RORB: variants seen among roughly 807,000 people sequenced by gnomAD.
RORB encodes nuclear receptor ROR-beta.
Under a neutral mutation model 59.1 loss-of-function variants are expected in RORB, and 6 were observed. The ratio of observed to expected loss-of-function variants is 0.10; its 90% confidence interval spans 0.06 to 0.20. The LOEUF is 0.20. Among genes scored for constraint, RORB ranks in the 10% least tolerant of loss-of-function variants. RORB has a pLI of 1.00. For missense variants in RORB, 320 were observed against 560.5 expected, an observed-to-expected ratio of 0.57 and a Z score of 4.33; for synonymous variants, 215 against 204.5, an observed-to-expected ratio of 1.05 and a Z score of -0.44.
At chr9:74,660,348 TA>T in intron 4 of RORB, among the ~76,000 whole-genome samples, 1 of 152,136 alleles carries the variant, frequency 6.6e-6, no homozygotes, top group Admixed American at 6.5e-5. Flanking sequence ...TTTTTATAAA[TA>T]AATACCTTTG....
At chr9:74,657,176 G>A (rs1824097395) in intron 4 of RORB, among the ~76,000 whole-genome samples, 2 of 152,128 alleles carry the variant, frequency 1.3e-5, no homozygotes. Flanking sequence ...CTCTTGAGTA[G>A]CTGGAATTAC....
chr9:74,498,102 C>G, intron 1 of RORB, 119 bp downstream of exon 1: 1 of 1,159,298 alleles, frequency 8.6e-7, no homozygotes, highest in Non-Finnish European at 1.2e-6. Flanking sequence ...GCGCAGTTCC[C>G]CGAATTCGCT....
chr9:74,592,183 G>A (rs952006680), intron 1 of RORB, among the ~76,000 whole-genome samples: 8 of 152,136 alleles, frequency 5.3e-5, no homozygotes, highest in Non-Finnish European at 2.9e-5. Flanking sequence ...TAAACAATGG[G>A]AATGCAGGAC....
chr9:74,633,894 G>A (rs567064457), intron 2 of RORB, among the ~76,000 whole-genome samples: 3 of 151,482 alleles, frequency 2.0e-5, no homozygotes, highest in Admixed American at 1.3e-4. Flanking sequence ...TCAATGGTGT[G>A]GTTGATTATT....
intron 1 of RORB, among the ~76,000 whole-genome samples, chr9:74,611,143 G>A (rs933420062): frequency 2.0e-5 from 3 of 152,244 alleles, no homozygotes; most frequent in Admixed American, 1.3e-4. Flanking sequence ...GTGCATAATA[G>A]CTGCTGCCTA....
In RORB at chr9:74,665,235, G is replaced by A. The variant is rs200060030; in HGVS notation, c.893-253G>A. On this transcript the variant is annotated intron_variant, in intron 6 of 9. Transcript: ENST00000376896. ...TTTATTTCTAATATATTAAATTGGT[G>A]CAAATATATTAGGTTTTTGCCAATA... 1.3e-4 allele frequency among the ~76,000 whole-genome samples: 20 copies of A among 152,146 alleles called. No individual in the cohort carries two copies. The East Asian group carries it at 3.5e-3, about 26-fold the overall frequency.
At chr9:74,585,230 A>T (rs1401674143) in intron 1 of RORB, among the ~76,000 whole-genome samples, 1 of 152,176 alleles carries the variant, frequency 6.6e-6, no homozygotes. Flanking sequence ...CAAAAGTACG[A>T]CTCAGGATGG....
chr9:74,657,211 A>G (rs771525090), intron 4 of RORB, among the ~76,000 whole-genome samples: 2 of 151,794 alleles, frequency 1.3e-5, no homozygotes, highest in Non-Finnish European at 2.9e-5. Context: ...ATGCCCAGCT[A>G]ATTTATTTAT....
rs374318480 is a variant in RORB at position 74,634,615 on chromosome 9, C to G, written c.94-16C>G. On this transcript the variant is annotated splice_polypyrimidine_tract_variant and intron_variant, in intron 2 of 9. Coordinates refer to ENST00000376896, the MANE Select transcript of RORB (RefSeq NM_006914.4). Reference sequence around the variant, plus strand: ...CTTATAAATCTGTTTCCCTCCCCTTCTCTTTTTCCCTCAAGGGATTCTTTA... The same window carrying G: ...CTTATAAATCTGTTTCCCTCCCCTTGTCTTTTTCCCTCAAGGGATTCTTTA... 4.4e-6 allele frequency: 7 copies of G among 1,592,676 alleles called. No homozygotes were observed. In the African/African-American group the frequency reaches 9.5e-5, roughly 22 times the overall value.
chr9:74,535,155 G>T (rs1450772147), intron 1 of RORB, among the ~76,000 whole-genome samples: 3 of 151,956 alleles, frequency 2.0e-5, no homozygotes, highest in Admixed American at 6.6e-5. Context: ...AGGGGTGTGT[G>T]TGTGTTGTGT....
intron 1 of RORB, among the ~76,000 whole-genome samples, chr9:74,571,440 G>A (rs945775048): frequency 6.7e-6 from 1 of 150,052 alleles, no homozygotes; most frequent in Admixed American, 6.7e-5. Flanking sequence ...TACTAGAGTT[G>A]GGGAACAGTT....
chr9:74,600,426 T>A (rs1563948984), intron 1 of RORB, among the ~76,000 whole-genome samples: 1 of 152,250 alleles, frequency 6.6e-6, no homozygotes, highest in African/African-American at 2.4e-5. Context: ...CGTTCATCAC[T>A]GAGGTGCTTT....
chr9:74,682,881 T>C (rs1824570256), intron 9 of RORB, among the ~76,000 whole-genome samples: 1 of 152,230 alleles, frequency 6.6e-6, no homozygotes, highest in Non-Finnish European at 1.5e-5. Flanking sequence ...TCTGAGCCAC[T>C]GTGCCTGGCT....
chr9:74,597,172 G>C (rs1263471551), intron 1 of RORB, among the ~76,000 whole-genome samples: 1 of 152,178 alleles, frequency 6.6e-6, no homozygotes, highest in Non-Finnish European at 1.5e-5. Context: ...ACTACGTTTT[G>C]AGAATCACTG....
intron 4 of RORB, among the ~76,000 whole-genome samples, chr9:74,659,810 A>G (rs1314335426): frequency 6.6e-6 from 1 of 152,196 alleles, no homozygotes; most frequent in Non-Finnish European, 1.5e-5. Context: ...ATTGGTATTT[A>G]AGATACAATG....
chr9:74,630,193 A>G (rs1368111811), intron 1 of RORB, 89 bp from the exon 2 acceptor site: 2 of 1,517,404 alleles, frequency 1.3e-6, no homozygotes, highest in East Asian at 2.3e-5. Context: ...TACAAACATC[A>G]AGGCAGAGAT....
intron 1 of RORB, among the ~76,000 whole-genome samples, chr9:74,592,441 A>G (rs1348077644): frequency 2.0e-5 from 3 of 152,212 alleles, no homozygotes; most frequent in Non-Finnish European, 4.4e-5. Context: ...ATAGAACTGG[A>G]TAATAAGAAA....
intron 1 of RORB, among the ~76,000 whole-genome samples, chr9:74,535,715 A>G (rs1255179809): frequency 6.6e-6 from 1 of 152,040 alleles, no homozygotes; most frequent in Non-Finnish European, 1.5e-5. Flanking sequence ...TGAGGTGACA[A>G]TACTTCCCAT....
intron 3 of RORB, among the ~76,000 whole-genome samples, chr9:74,638,813 T>C (rs1257408457): frequency 1.3e-5 from 2 of 152,230 alleles, no homozygotes; most frequent in African/African-American, 4.8e-5. Flanking sequence ...GGCTCATCAA[T>C]GTTTCTGAAA....
Sources: gnomAD v4.1 joint callset for allele counts (sites outside exome capture counted in the v4.1 genomes callset) on GRCh38, gnomAD v4.1.1 for gene constraint, MANE v1.5 for transcripts, NCBI Gene and HGNC (gene_info 2026-07-23, HGNC 2026-07-21) for gene names.